Variants in GPHN observed in about 807,000 individuals in gnomAD.
GPHN encodes gephyrin.
GPHN carries 17 observed loss-of-function variants against 95.5 expected under a neutral mutation model. The observed-to-expected ratio is 0.18, with a 90% CI of 0.12 to 0.27. GPHN has a LOEUF of 0.27. Ranked by LOEUF, GPHN falls within the 10% of genes least tolerant of loss-of-function variation. GPHN has a pLI of 1.00. For synonymous variants in GPHN, 320 were observed against 322.5 expected (o/e 0.99, Z 0.08); for missense variants, 660 against 978.1 (o/e 0.67, Z 4.34).
the GPHN span, among the ~76,000 whole-genome samples, chr14:67,699,772 A>C: frequency 5.9e-5 from 9 of 152,082 alleles, no homozygotes; most frequent in Non-Finnish European, 1.3e-4. Flanking sequence ...GTAAAGAAAA[A>C]CCTTTTGTAA....
chr14:67,511,977 G>A, the GPHN span, among the ~76,000 whole-genome samples: 2 of 152,184 alleles, frequency 1.3e-5, no homozygotes, highest in East Asian at 3.8e-4. Context: ...CAGCAGCATG[G>A]GGCATCCCAC....
At chr14:67,035,141 A>C (rs1005078287) in intron 10 of GPHN, among the ~76,000 whole-genome samples, 1 of 151,730 alleles carries the variant, frequency 6.6e-6, no homozygotes, top group East Asian at 1.9e-4. Flanking sequence ...TAAATGAGAC[A>C]CTCTTGAACA....
the GPHN span, among the ~76,000 whole-genome samples, chr14:67,372,041 G>C: frequency 1.3e-5 from 2 of 152,074 alleles, no homozygotes; most frequent in Non-Finnish European, 2.9e-5. Flanking sequence ...TAGGTGGGGG[G>C]ATCACTTGAG....
At chr14:67,555,895 G>C in the GPHN span, 2 of 1,613,236 alleles carry the variant, frequency 1.2e-6, no homozygotes, top group Non-Finnish European at 1.7e-6. Flanking sequence ...CAGGTAACCA[G>C]GGGAGGGGAT....
At chr14:67,720,698 T>A in the GPHN span, 2 of 152,242 alleles carry the variant, frequency 1.3e-5, no homozygotes, top group African/African-American at 4.8e-5. Flanking sequence ...CTACCTGTAC[T>A]TAGTAGTATG....
chr14:67,431,947 T>A, the GPHN span, among the ~76,000 whole-genome samples: 1 of 152,228 alleles, frequency 6.6e-6, no homozygotes, highest in Non-Finnish European at 1.5e-5. Flanking sequence ...AAAGCAAACA[T>A]CTTTATTTAA....
At chr14:66,853,571 C>T (rs530439033) in intron 4 of GPHN, among the ~76,000 whole-genome samples, 1 of 152,106 alleles carries the variant, frequency 6.6e-6, no homozygotes. Context: ...CAGGGGAACT[C>T]CCATTTATAA....
At chr14:67,042,912 AGTT>A (rs935321062) in intron 10 of GPHN, among the ~76,000 whole-genome samples, 12 of 152,120 alleles carry the variant, frequency 7.9e-5, no homozygotes, top group African/African-American at 2.7e-4. Flanking sequence ...TTGCTTGAGC[AGTT>A]GTTTGTAGTT....
the GPHN span, among the ~76,000 whole-genome samples, chr14:67,681,137 G>A: frequency 6.6e-6 from 1 of 152,162 alleles, no homozygotes; most frequent in African/African-American, 2.4e-5. Context: ...ATCCAACAGG[G>A]CCTTATAAAA....
the GPHN span, among the ~76,000 whole-genome samples, chr14:67,721,139 A>G: frequency 6.6e-6 from 1 of 152,184 alleles, no homozygotes; most frequent in Admixed American, 6.5e-5. Context: ...GAAGTCTTTC[A>G]TGCATGGGTG....
At chr14:66,545,921 C>T (rs558719606) in intron 1 of GPHN, among the ~76,000 whole-genome samples, 20 of 151,780 alleles carry the variant, frequency 1.3e-4, no homozygotes, top group Non-Finnish European at 2.1e-4. Context: ...GTGACCTCCA[C>T]CTCCTTCCTG....
the GPHN span, chr14:67,397,623 G>A: frequency 4.5e-6 from 7 of 1,557,326 alleles, no homozygotes; most frequent in Admixed American, 1.1e-4. Context: ...GGAAGGCTGT[G>A]GAACAGAGAG....
At position 67,174,811 on chromosome 14, in the gene GPHN, T is replaced by C. The variant is rs187886041; in HGVS notation, c.2080-4767T>C. ...GTGATATCTCATTGTGGTTTTGATT[T>C]GCACTTCTCTAATGACCAGTCATGG... On this transcript the variant is annotated intron_variant, in intron 21 of 22. Transcript: ENST00000478722. Among the ~76,000 whole-genome samples, 8 of 152,366 alleles carry C rather than the reference T, an allele frequency of 5.3e-5. No homozygotes were observed. In the East Asian group the frequency reaches 1.5e-3, roughly 29 times the overall value.
At chr14:67,089,133 CTTTTTTTTTTTTTTTTT>C (rs1163483546) in intron 12 of GPHN, 58 bp downstream of exon 12, 1 of 198,576 alleles carries the variant, frequency 5.0e-6, no homozygotes, top group Non-Finnish European at 7.8e-6. Context: ...TTCTTTTTTT[CTTTTTTTTTTTTTTTTT>C]TTTTTTTTCA....
At chr14:66,774,847 G>A (rs763003178) in intron 2 of GPHN, among the ~76,000 whole-genome samples, 7 of 152,028 alleles carry the variant, frequency 4.6e-5, no homozygotes, top group Non-Finnish European at 8.8e-5. Context: ...GCTACATTTG[G>A]AAATGATATA....
At chr14:66,628,633 C>CTAAT (rs1174148747) in intron 1 of GPHN, among the ~76,000 whole-genome samples, 1 of 152,052 alleles carries the variant, frequency 6.6e-6, no homozygotes, top group Non-Finnish European at 1.5e-5. Context: ...CTTAACTACA[C>CTAAT]TAATTATATT....
chr14:67,578,351 C>G, the GPHN span, among the ~76,000 whole-genome samples: 1 of 152,212 alleles, frequency 6.6e-6, no homozygotes, highest in Non-Finnish European at 1.5e-5. This position sits in a 1 kb window ranked among gnomAD's most constrained non-coding sequence, Gnocchi z 5.0. Flanking sequence ...GCTGAGCTGT[C>G]TATGCACAGA....
chr14:67,579,850 G>A, the GPHN span: 1 of 1,605,174 alleles, frequency 6.2e-7, no homozygotes, highest in Non-Finnish European at 8.5e-7. Flanking sequence ...CAGGGACCTG[G>A]AGCACTGCCT....
chr14:66,802,181 C>T (rs951663203), intron 3 of GPHN, among the ~76,000 whole-genome samples: 5 of 152,180 alleles, frequency 3.3e-5, no homozygotes, highest in Admixed American at 1.3e-4. Context: ...AACCGCATGA[C>T]ATAGTCCTTT....
Sources: allele counts gnomAD v4.1 joint callset (sites outside exome capture counted in the v4.1 genomes callset), GRCh38; gene constraint gnomAD v4.1.1; non-coding constraint Gnocchi (gnomAD v3.1); transcripts MANE v1.5; gene names NCBI Gene and HGNC (gene_info 2026-07-23, HGNC 2026-07-21).